The following SLC8A2 variants were observed in gnomAD, a reference collection of about 807,000 sequenced individuals.
SLC8A2 encodes solute carrier family 8 member A2.
In SLC8A2, 14 loss-of-function variants were observed where a neutral mutation model predicts 70.2. The ratio of observed to expected loss-of-function variants is 0.20; its 90% confidence interval spans 0.13 to 0.31. SLC8A2 has a LOEUF of 0.31. SLC8A2 is among the 10% of genes least tolerant of loss of function. The pLI is 1.00. For synonymous variants in SLC8A2, 575 were observed against 594.3 expected, an observed-to-expected ratio of 0.97 and a Z score of 0.47; for missense variants, 779 against 1,320.1, an observed-to-expected ratio of 0.59 and a Z score of 6.35.
At chr19:47,433,584 A>G (rs146395246) in intron 8 of SLC8A2, among the ~76,000 whole-genome samples, 1 of 151,986 alleles carries the variant, frequency 6.6e-6, no homozygotes, top group African/African-American at 2.4e-5. Context: ...AGCTTTGTAA[A>G]TGATGCCTCA....
chr19:47,461,749 G>A (rs907782479), intron 2 of SLC8A2, among the ~76,000 whole-genome samples: 8 of 152,204 alleles, frequency 5.3e-5, no homozygotes, highest in Admixed American at 3.9e-4. Flanking sequence ...TATGTATATT[G>A]CAAGGAAGTC....
intron 3 of SLC8A2, among the ~76,000 whole-genome samples, chr19:47,454,807 C>CA (rs1382201169): frequency 6.6e-6 from 1 of 152,124 alleles, no homozygotes; most frequent in Non-Finnish European, 1.5e-5. Context: ...AGAGAACTGC[C>CA]AGGTGCGGTG....
chr19:47,447,742 T>A lies in SLC8A2; in HGVS notation c.1763+67A>T. 6.9e-7 allele frequency: 1 copy of A among 1,452,882 alleles called. No homozygotes were observed. Among genetic ancestry groups the A allele is most frequent in the Non-Finnish European group, 9.1e-7 (1 of 1,102,530 alleles). The allele number at this position is 1,452,882 out of a possible 1,614,324, so 90.0% of individuals were successfully genotyped here. On this transcript the variant is annotated intron_variant, in intron 4 of 9. Coordinates refer to ENST00000236877, the MANE Select transcript of SLC8A2 (RefSeq NM_015063.3). The surrounding 1 kb of genome is among the most constrained non-coding windows in gnomAD (Gnocchi z 5.1). ...GCATGGCTCACCCAGGCCCCGCCCC[T>A]GAGCCACATCAGGCCTCGCCCATTC...
intron 8 of SLC8A2, among the ~76,000 whole-genome samples, chr19:47,434,150 T>C (rs1360055143): frequency 6.6e-6 from 1 of 152,248 alleles, no homozygotes; most frequent in Non-Finnish European, 1.5e-5. Context: ...AAGACATGGC[T>C]GAGGTCAGAG....
At chr19:47,456,039 G>C (rs73063079) in intron 3 of SLC8A2, among the ~76,000 whole-genome samples, 3,134 of 152,306 alleles carry the variant, frequency 0.021, 47 homozygotes, top group Non-Finnish European at 0.034. Flanking sequence ...ATTGCAATTT[G>C]AGGGCAGGGA....
intron 2 of SLC8A2, among the ~76,000 whole-genome samples, chr19:47,462,807 C>T (rs564320213): frequency 6.6e-6 from 1 of 151,102 alleles, no homozygotes; most frequent in East Asian, 2.0e-4. Flanking sequence ...AGGCTGGTTT[C>T]GAACTCATGA....
chr19:47,445,509 GTGTCTC>G (rs748603741), intron 4 of SLC8A2, among the ~76,000 whole-genome samples: 2 of 152,204 alleles, frequency 1.3e-5, no homozygotes, highest in Admixed American at 6.5e-5. Context: ...GTCTATCTCT[GTGTCTC>G]TGTCTCTGTC....
chr19:47,447,911 G>C lies in SLC8A2; in HGVS notation c.1661C>G (p.Thr554Ser). ...RVVRSSGARG[T>S]VRLPYRTVDG... ...CACCGTGCGGTAGGGAAGGCGCACGGTGCCGCGCGCGCCCGAGCTGCGCAC... is the reference window on the plus strand; with the variant it reads ...CACCGTGCGGTAGGGAAGGCGCACGCTGCCGCGCGCGCCCGAGCTGCGCAC... Residue 554 changes from threonine (T) to serine (S), a missense_variant, in exon 4 of 10, where the codon ACC becomes AGC. Transcript: ENST00000236877. This position sits in a 1 kb window ranked among gnomAD's most constrained non-coding sequence, Gnocchi z 5.1. The C allele has an allele frequency of 6.3e-7, 1 of 1,575,378 alleles. No homozygotes were observed. Among genetic ancestry groups the C allele is most frequent in the Non-Finnish European group, 8.6e-7 (1 of 1,161,906 alleles).
chr19:47,440,866 T>C (rs1014058996), intron 6 of SLC8A2, among the ~76,000 whole-genome samples: 3 of 152,084 alleles, frequency 2.0e-5, no homozygotes, highest in African/African-American at 7.2e-5. Context: ...GCTGGGATTA[T>C]AGGTGTGAGC....
Position 47,466,404 on chromosome 19 carries a change from G to A in SLC8A2, c.-1C>T, listed in dbSNP as rs1444810784. On this transcript the variant is annotated 5_prime_UTR_variant, in exon 2 of 10. Transcript: ENST00000236877. This position sits in a 1 kb window ranked among gnomAD's most constrained non-coding sequence, Gnocchi z 6.9. ...CCCCCACCAAGGCCAGGGGAGCCAT[G>A]GGGGGTGGTGGGGTCCTATGGGGGA... 5.3e-6 allele frequency: 7 copies of A among 1,333,170 alleles called. No homozygotes were observed. Among genetic ancestry groups the A allele is most frequent in the Middle Eastern group, 2.7e-4 (1 of 3,736 alleles). 82.6% of individuals were successfully genotyped at this position (1,333,170 alleles called of 1,614,324 possible).
chr19:47,471,705 C>A (rs2122660534), intron 1 of SLC8A2, 84 bp downstream of exon 1: 1 of 152,214 alleles, frequency 6.6e-6, no homozygotes, highest in East Asian at 1.9e-4. Context: ...CAGCTCCAGG[C>A]TTCCCGAACC....
At position 47,456,822 on chromosome 19, in the gene SLC8A2, T is replaced by C. The variant is rs1247518992; in HGVS notation, c.1340+108A>G. On this transcript the variant is annotated intron_variant, in intron 3 of 9. Transcript: ENST00000236877. Reference sequence around the variant, plus strand: ...ATGAATGAATGAACAAATGAACCAATGAATCCTGCAGGAGTCAGTTGGGAG... The same window carrying C: ...ATGAATGAATGAACAAATGAACCAACGAATCCTGCAGGAGTCAGTTGGGAG... The C allele has an allele frequency of 1.3e-5, 15 of 1,112,872 alleles. No homozygotes were observed. In the South Asian group the frequency reaches 1.5e-4, roughly 11 times the overall value. The allele number at this position is 1,112,872 out of a possible 1,614,324, so 68.9% of individuals were successfully genotyped here.
intron 3 of SLC8A2, among the ~76,000 whole-genome samples, chr19:47,451,182 G>C (rs1967230483): frequency 6.6e-6 from 1 of 151,746 alleles, no homozygotes; most frequent in African/African-American, 2.4e-5. Flanking sequence ...CTAATTTTTT[G>C]TATCTTTAGT....
intron 4 of SLC8A2, among the ~76,000 whole-genome samples, chr19:47,445,234 G>A (rs1050376132): frequency 6.6e-6 from 1 of 152,092 alleles, no homozygotes; most frequent in African/African-American, 2.4e-5. Flanking sequence ...TCAGCCTCCC[G>A]AGTAGCTGGG....
Position 47,432,565 on chromosome 19 carries a change from C to G in SLC8A2, c.2111-120G>C. The G allele has an allele frequency of 9.8e-7, 1 of 1,017,226 alleles. No homozygotes were observed. Among genetic ancestry groups the G allele is most frequent in the Non-Finnish European group, 1.4e-6 (1 of 706,692 alleles). 63.0% of individuals were successfully genotyped at this position (1,017,226 alleles called of 1,614,324 possible). Reference sequence around the variant, plus strand: ...TTGAATGAACTTCTTTCCCAGAATCCCTTGCACCTACCTGTGGCCAAGTCA... The same window carrying G: ...TTGAATGAACTTCTTTCCCAGAATCGCTTGCACCTACCTGTGGCCAAGTCA... On this transcript the variant is annotated intron_variant, in intron 8 of 9. Coordinates refer to ENST00000236877, the MANE Select transcript of SLC8A2 (RefSeq NM_015063.3). The surrounding 1 kb of genome is among the most constrained non-coding windows in gnomAD (Gnocchi z 6.2).
chr19:47,459,787 CTGTG>C (rs147691710), intron 2 of SLC8A2, among the ~76,000 whole-genome samples: 40 of 151,482 alleles, frequency 2.6e-4, no homozygotes, highest in African/African-American at 9.0e-4. Context: ...GTGTGTCCAT[CTGTG>C]TGTGTGTGTG....
intron 8 of SLC8A2, among the ~76,000 whole-genome samples, chr19:47,436,828 G>A (rs1014144667): frequency 2.0e-5 from 3 of 152,146 alleles, no homozygotes; most frequent in Non-Finnish European, 4.4e-5. Flanking sequence ...GTGTGGGCCT[G>A]TCTGAGGCCA....
Position 47,432,651 on chromosome 19 carries a change from G to A in SLC8A2, c.2111-206C>T, listed in dbSNP as rs1264203595. On this transcript the variant is annotated intron_variant, in intron 8 of 9. Transcript: ENST00000236877. The surrounding 1 kb of genome is among the most constrained non-coding windows in gnomAD (Gnocchi z 6.2). ...AAGCTAGGAGCTTGATTGGGCCCAG[G>A]TGAAAAATATTTACTTTCCCAGAAT... The A allele has an allele frequency of 4.1e-6, 2 of 488,432 alleles. No homozygotes were observed. Among genetic ancestry groups the A allele is most frequent in the Non-Finnish European group, 7.1e-6 (2 of 281,236 alleles). 30.3% of individuals were successfully genotyped at this position (488,432 alleles called of 1,614,324 possible).
intron 3 of SLC8A2, among the ~76,000 whole-genome samples, chr19:47,455,081 CTG>C (rs1967288062): frequency 1.3e-5 from 2 of 151,598 alleles, no homozygotes; most frequent in South Asian, 4.2e-4. Flanking sequence ...GTGCGAAACT[CTG>C]AGAAAAAGAA....
Sources: gnomAD v4.1 joint callset for allele counts (sites outside exome capture counted in the v4.1 genomes callset) on GRCh38, gnomAD v4.1.1 for gene constraint, Gnocchi (gnomAD v3.1) non-coding constraint, MANE v1.5 for transcripts, NCBI Gene and HGNC (gene_info 2026-07-23, HGNC 2026-07-21) for gene names.